Variants in STAB2 observed in about 807,000 individuals in gnomAD.
STAB2 encodes the protein stabilin 2.
Under a neutral mutation model 338.1 loss-of-function variants are expected in STAB2, and 288 were observed. The observed-to-expected ratio is 0.85, with a 90% CI of 0.77 to 0.94. STAB2 has a LOEUF of 0.94. STAB2 is among the 40% of genes least tolerant of loss of function. The pLI, the probability that STAB2 is intolerant of heterozygous loss-of-function variation, is 0.00. For synonymous variants in STAB2, 1,202 were observed against 1,193.3 expected, an observed-to-expected ratio of 1.01 and a Z score of -0.15; for missense variants, 3,141 against 3,210.1, an observed-to-expected ratio of 0.98 and a Z score of 0.52.
At chr12:103,737,566 T>C in intron 52 of STAB2, 68 bp from the exon 53 acceptor site, 1 of 1,436,900 alleles carries the variant, frequency 7.0e-7, no homozygotes, top group Non-Finnish European at 9.3e-7. Flanking sequence ...GTGAAAGAGA[T>C]TGACTGTTTC....
At position 103,712,392 on chromosome 12, in the gene STAB2, G is replaced by A. The variant is rs1423841209; in HGVS notation, c.4360G>A (p.Ala1454Thr). The A allele has an allele frequency of 6.2e-7, 1 of 1,614,122 alleles. No homozygotes were observed. The highest frequency in any genetic ancestry group is 1.1e-5 in the South Asian group (1 of 91,088). Residue 1454 changes from alanine (A) to threonine (T), a missense_variant, in exon 41 of 69, where the codon GCT (alanine) becomes ACT (threonine). Physicochemically the swap from Ala to Thr is moderately conservative, Grantham distance 58 (BLOSUM62 0). Coordinates refer to ENST00000388887, the MANE Select transcript of STAB2 (RefSeq NM_017564.10). ...CTGCCTCACCAACTCAGATGGTACA[G>A]CTTCATGCAAGTGTGCAGCAGGATT... ...ANCLTNSDGT[A>T]SCKCAAGFQG...
In STAB2 at chr12:103,704,537, T is replaced by C. The variant is rs1461309427; in HGVS notation, c.3844-21T>C. ...TTTGTATTAAAGTTAATTACATTGATTGCTTTTGTGTTTTACCAAGGGAAG... is the reference window on the plus strand; with the variant it reads ...TTTGTATTAAAGTTAATTACATTGACTGCTTTTGTGTTTTACCAAGGGAAG... On this transcript the variant is annotated intron_variant, in intron 35 of 68. Coordinates refer to ENST00000388887, the MANE Select transcript of STAB2 (RefSeq NM_017564.10). The C allele has an allele frequency of 1.1e-5, 17 of 1,610,248 alleles. No homozygotes were observed. The East Asian group carries it at 3.1e-4, about 30-fold the overall frequency.
intron 34 of STAB2, among the ~76,000 whole-genome samples, chr12:103,702,331 G>A (rs775611834): frequency 2.0e-5 from 3 of 146,888 alleles, no homozygotes; most frequent in Non-Finnish European, 4.5e-5. Context: ...TCGCTCTGTC[G>A]CCCAGGCCGG....
chr12:103,745,342 C>G (rs1882942219), intron 57 of STAB2, 65 bp downstream of exon 57: 11 of 1,441,994 alleles, frequency 7.6e-6, no homozygotes, highest in African/African-American at 1.4e-5. Flanking sequence ...CAAGAGCATA[C>G]AAGTGAGGTT....
intron 52 of STAB2, 60 bp from the exon 53 acceptor site, chr12:103,737,574 T>TTCTG: frequency 1.8e-5 from 18 of 1,015,890 alleles, no homozygotes; most frequent in Admixed American, 3.5e-5. Context: ...GATTGACTGT[T>TTCTG]TCTCTCTCTC....
At chr12:103,722,258 A>G (rs953490741) in intron 44 of STAB2, among the ~76,000 whole-genome samples, 1 of 152,236 alleles carries the variant, frequency 6.6e-6, no homozygotes, top group Non-Finnish European at 1.5e-5. Context: ...AAAGCCCACA[A>G]TGTGGAAGGA....
rs888922606 is a variant in STAB2 at position 103,705,726 on chromosome 12, T to C, written c.3995T>C (p.Ile1332Thr). The C allele has an allele frequency of 6.8e-6, 11 of 1,614,112 alleles. No individual in the cohort carries two copies. The highest frequency in any genetic ancestry group is 2.2e-5 in the South Asian group (2 of 91,082). ...CAGCCAAAATGTGTGAGAACCGTCA[T>C]TGTGAGTACAATAATTGAATCATAC... Reference protein sequence around the residue: ...GCQPKCVRTVITRECCAGFFG... With the variant: ...GCQPKCVRTVTTRECCAGFFG... Residue 1332 changes from isoleucine (I) to threonine (T), a missense_variant and splice_region_variant, in exon 37 of 69, where the codon ATT becomes ACT. By Grantham distance (89) the Ile-to-Thr change is moderately conservative. Coordinates refer to ENST00000388887, the MANE Select transcript of STAB2 (RefSeq NM_017564.10).
At chr12:103,621,704 C>T (rs185444999) in intron 4 of STAB2, among the ~76,000 whole-genome samples, 20 of 152,272 alleles carry the variant, frequency 1.3e-4, no homozygotes, top group Admixed American at 7.2e-4. Flanking sequence ...GCCTGGGTGA[C>T]GGAGCGAGAC....
At chr12:103,744,465 T>C (rs1882844944) in intron 56 of STAB2, among the ~76,000 whole-genome samples, 5 of 25,570 alleles carry the variant, frequency 2.0e-4, no homozygotes, top group Non-Finnish European at 3.5e-4. Context: ...ATTTTACTTT[T>C]TTTTTTTTTT....
In STAB2 at chr12:103,725,132, T is replaced by C. The variant is rs1414848483; in HGVS notation, c.4803+38T>C. 6 of 1,590,698 alleles carry C rather than the reference T, an allele frequency of 3.8e-6. No homozygotes were observed. The Admixed American group carries it at 1.0e-4, about 27-fold the overall frequency. Reference sequence around the variant, plus strand: ...ATGTTTCCATCAAGTAAACTCTACTTCCCTAAAAATGCCAAGAATCCAGGT... The same window carrying C: ...ATGTTTCCATCAAGTAAACTCTACTCCCCTAAAAATGCCAAGAATCCAGGT... On this transcript the variant is annotated intron_variant, in intron 45 of 68. Transcript: ENST00000388887.
chr12:103,605,626 T>G (rs1296700917), intron 3 of STAB2, among the ~76,000 whole-genome samples: 1 of 152,038 alleles, frequency 6.6e-6, no homozygotes, highest in Non-Finnish European at 1.5e-5. Flanking sequence ...GAGTTTTCGT[T>G]TCATGTACTT....
chr12:103,653,643 CATGGATAGGTCACT>C (rs1873925855), intron 12 of STAB2, among the ~76,000 whole-genome samples: 5 of 18,260 alleles, frequency 2.7e-4, no homozygotes, highest in African/African-American at 9.6e-4. Context: ...TGGATGGATA[CATGGATAGGTCACT>C]GGATGGATGG....
intron 3 of STAB2, among the ~76,000 whole-genome samples, chr12:103,607,782 A>G (rs1197526045): frequency 1.3e-5 from 2 of 152,148 alleles, no homozygotes; most frequent in Non-Finnish European, 2.9e-5. Flanking sequence ...AATCCAGTCT[A>G]TCATTGATGG....
At position 103,749,196 on chromosome 12, in the gene STAB2, G is replaced by A. The variant is rs76025401; in HGVS notation, c.6438+40G>A. ...CCCAGGGAAATTTGGGAGCAGCGCC[G>A]TGGGCTTCGCTCCTCCTTGCCTTTC... On this transcript the variant is annotated intron_variant, in intron 59 of 68. Transcript: ENST00000388887. The A allele has an allele frequency of 2.2e-3, 3,356 of 1,553,846 alleles. 126 individuals carry two copies. The East Asian group carries it at 0.065, about 30-fold the overall frequency.
At position 103,745,270 on chromosome 12, in the gene STAB2, T is replaced by C. The variant is rs1438331123; in HGVS notation, c.6129T>C (p.Thr2043=). 1 of 1,613,054 alleles carries C rather than the reference T, an allele frequency of 6.2e-7. No homozygotes were observed. The highest frequency in any genetic ancestry group is 1.1e-5 in the South Asian group (1 of 90,872). ...ETGWTGPSCD[T]QAVLPAVCTP... ...GGTGGACAGGCCCCTCGTGTGACAC[T>C]CAGGCAGGTCAGTCATGGGAGTGGT... The change falls in exon 57 of 69, where the codon ACT becomes ACC. Residue 2043 remains threonine, a synonymous_variant. Coordinates refer to ENST00000388887, the MANE Select transcript of STAB2 (RefSeq NM_017564.10).
intron 6 of STAB2, among the ~76,000 whole-genome samples, chr12:103,635,599 C>CG (rs1565975502): frequency 6.6e-6 from 1 of 152,194 alleles, no homozygotes; most frequent in African/African-American, 2.4e-5. Flanking sequence ...GAAGGCTGTT[C>CG]GGTACTCCTC....
In STAB2 at chr12:103,650,571, G is replaced by C; in HGVS notation, c.1250G>C (p.Gly417Ala). 1 of 1,612,678 alleles carries C rather than the reference G, an allele frequency of 6.2e-7. No individual in the cohort carries two copies. Among genetic ancestry groups the C allele is most frequent in the South Asian group, 1.1e-5 (1 of 91,042 alleles). Residue 417 changes from glycine (G) to alanine (A), a missense_variant, in exon 11 of 69, where the codon GGA becomes GCA. Transcript: ENST00000388887. ...TTACCTACAGACAAGGGACTGAAAG[G>C]ATTCAATGTGAGTATTTAAAATGAC... is the stretch of plus-strand genomic sequence containing the variant. ...VLLPTDKGLK[G>A]FNVNELLVDN... is the part of the protein sequence containing the mutation.
At chr12:103,760,614 T>C (rs2139237940) in intron 65 of STAB2, among the ~76,000 whole-genome samples, 1 of 152,178 alleles carries the variant, frequency 6.6e-6, no homozygotes, top group East Asian at 1.9e-4. Flanking sequence ...GTGTGGATGA[T>C]GGTGATGATA....
chr12:103,721,581 A>G (rs1214075596), intron 44 of STAB2, among the ~76,000 whole-genome samples: 1 of 152,210 alleles, frequency 6.6e-6, no homozygotes, highest in Non-Finnish European at 1.5e-5. Flanking sequence ...TGTGATGACT[A>G]TGCAGGATAG....
Sources: allele counts gnomAD v4.1 joint callset (sites outside exome capture counted in the v4.1 genomes callset), GRCh38; gene constraint gnomAD v4.1.1; transcripts MANE v1.5; gene names NCBI Gene and HGNC (gene_info 2026-07-23, HGNC 2026-07-21).